CYP27C1: variants seen among roughly 807,000 people sequenced by gnomAD.
The protein encoded by CYP27C1 is cytochrome P450 family 27 subfamily C member 1.
Under a neutral mutation model 40.6 loss-of-function variants are expected in CYP27C1, and 29 were observed. That is an observed-to-expected ratio of 0.71 (90% CI 0.53 to 0.97). The LOEUF is 0.97. Ranked by LOEUF, CYP27C1 falls within the 50% of genes least tolerant of loss-of-function variation. The pLI is 0.00. For missense variants in CYP27C1, 390 were observed against 485.8 expected, an observed-to-expected ratio of 0.80 and a Z score of 1.85; for synonymous variants, 198 against 186.8, an observed-to-expected ratio of 1.06 and a Z score of -0.49.
At chr2:127,217,182 G>A (rs1281284024) in intron 1 of CYP27C1, among the ~76,000 whole-genome samples, 3 of 152,180 alleles carry the variant, frequency 2.0e-5, no homozygotes, top group Admixed American at 1.3e-4. Flanking sequence ...TTCTGGTGGT[G>A]GGCCATGGAA....
At chr2:127,210,366 A>G (rs1019669880) in intron 1 of CYP27C1, among the ~76,000 whole-genome samples, 1 of 152,240 alleles carries the variant, frequency 6.6e-6, no homozygotes, top group Non-Finnish European at 1.5e-5. Context: ...AAGAAGCACC[A>G]AATAAGTAAA....
At chr2:127,190,437 G>A (rs1682741917) in intron 8 of CYP27C1, among the ~76,000 whole-genome samples, 1 of 146,576 alleles carries the variant, frequency 6.8e-6, no homozygotes, top group Non-Finnish European at 1.5e-5. Context: ...CTGCCTCCTG[G>A]GTTCAAGCAA....
chr2:127,203,230 G>A (rs948604282), intron 3 of CYP27C1, 142 bp downstream of exon 3: 7 of 888,722 alleles, frequency 7.9e-6, no homozygotes, highest in South Asian at 5.3e-5. Flanking sequence ...CCAGGTTCAC[G>A]TTAGCACCGT....
intron 1 of CYP27C1, among the ~76,000 whole-genome samples, chr2:127,210,030 T>C (rs905354684): frequency 6.6e-6 from 1 of 152,172 alleles, no homozygotes; most frequent in Non-Finnish European, 1.5e-5. Context: ...ATTAAAATAC[T>C]CCACATTAAG....
intron 2 of CYP27C1, among the ~76,000 whole-genome samples, chr2:127,204,508 A>AGAAG (rs1553503288): frequency 5.3e-5 from 3 of 56,550 alleles, no homozygotes; most frequent in African/African-American, 1.7e-4. Context: ...AAGGAAGGAA[A>AGAAG]GAAAGAAGGA....
chr2:127,189,368 G>C (rs973379962), intron 8 of CYP27C1, among the ~76,000 whole-genome samples: 3 of 152,164 alleles, frequency 2.0e-5, no homozygotes, highest in Non-Finnish European at 4.4e-5. Context: ...CCATTTATTT[G>C]GTTAAGAAAG....
intron 1 of CYP27C1, among the ~76,000 whole-genome samples, chr2:127,213,719 G>T (rs1160235596): frequency 6.6e-6 from 1 of 152,136 alleles, no homozygotes; most frequent in African/African-American, 2.4e-5. Flanking sequence ...AACCCTAGAA[G>T]AAAACCTAGG....
chr2:127,204,626 A>AAAGAAAGAAAGAAAGAAAGAC (rs200607857), intron 2 of CYP27C1, among the ~76,000 whole-genome samples: 6 of 38,914 alleles, frequency 1.5e-4, no homozygotes, highest in African/African-American at 4.0e-4. Context: ...AGAAAGAAAG[A>AAAGAAAGAAAGAAAGAAAGAC]AGACTGCAGC....
Position 127,195,548 on chromosome 2 carries a change from G to A in CYP27C1, c.1048-47C>T, listed in dbSNP as rs759643699. The A allele has an allele frequency of 1.2e-6, 2 of 1,601,144 alleles. No individual in the cohort carries two copies. The highest frequency in any genetic ancestry group is 1.7e-6 in the Non-Finnish European group (2 of 1,171,690). On this transcript the variant is annotated intron_variant, in intron 5 of 8. Coordinates refer to ENST00000664447, the MANE Select transcript of CYP27C1 (RefSeq NM_001367502.1). This position sits in a 1 kb window ranked among gnomAD's most constrained non-coding sequence, Gnocchi z 6.2. ...CACAGGCAGGCAGTGAGTAACACCA[G>A]GGACTGAAACAGAGGCGGTGGCAGG... is the stretch of plus-strand genomic sequence containing the variant.
intron 1 of CYP27C1, among the ~76,000 whole-genome samples, chr2:127,215,886 A>C (rs976789687): frequency 3.3e-5 from 5 of 152,222 alleles, no homozygotes; most frequent in African/African-American, 1.2e-4. Context: ...AACCCAATTA[A>C]AAACTGGACA....
chr2:127,202,292 A>G (rs1223454825), intron 3 of CYP27C1, among the ~76,000 whole-genome samples: 3 of 152,038 alleles, frequency 2.0e-5, no homozygotes, highest in African/African-American at 7.2e-5. Flanking sequence ...GGCCCAGTTA[A>G]TTGTTGTATT....
chr2:127,204,369 AAGAG>A (rs1271314494), intron 2 of CYP27C1, among the ~76,000 whole-genome samples: 1 of 103,742 alleles, frequency 9.6e-6, no homozygotes, highest in African/African-American at 3.8e-5. Context: ...GGAGGAAGGA[AAGAG>A]AGAGAGAAAG....
At chr2:127,204,565 G>GA (rs1177120331) in intron 2 of CYP27C1, among the ~76,000 whole-genome samples, 3 of 64,904 alleles carry the variant, frequency 4.6e-5, no homozygotes, top group Admixed American at 2.0e-4. Flanking sequence ...GAGAAAGAAA[G>GA]AAAGAAAGAA....
rs1682879790 is a variant in CYP27C1 at position 127,195,420 on chromosome 2, T to G, written c.1129A>C (p.Lys377Gln). The G allele has an allele frequency of 8.1e-6, 13 of 1,614,038 alleles. No individual in the cohort carries two copies. In the East Asian group the frequency reaches 2.7e-4, roughly 33 times the overall value. ...VQQTVYREIVKNLGERHVPTA... is the reference protein window; with the variant it reads ...VQQTVYREIVQNLGERHVPTA... The stretch of plus-strand genomic sequence containing the variant: ...GGAACATGCCTTTCCCCTAAATTCT[T>G]CACAATCTCCCGGTACACCGTCTGC... Residue 377 changes from lysine (K) to glutamine (Q), a missense_variant, in exon 6 of 9, where the codon AAG (lysine) becomes CAG (glutamine). Lys to Gln is a moderately conservative substitution (Grantham distance 53). Transcript: ENST00000664447. This position sits in a 1 kb window ranked among gnomAD's most constrained non-coding sequence, Gnocchi z 6.2.
Position 127,204,555 on chromosome 2 carries a change from G to GAGAGAGAGAA in CYP27C1, c.474-985_474-984insTTCTCTCTCT, listed in dbSNP as rs1553503372. Among the ~76,000 whole-genome samples, 85 of 39,166 alleles carry GAGAGAGAGAA rather than the reference G, an allele frequency of 2.2e-3. 3 individuals are homozygous for GAGAGAGAGAA. Among genetic ancestry groups the GAGAGAGAGAA allele is most frequent in the Non-Finnish European group, 3.7e-3 (74 of 20,052 alleles). 25.7% of individuals were successfully genotyped at this position (39,166 alleles called of 152,430 possible). A position where few individuals can be genotyped will look rare whatever the true frequency, so the allele number is the denominator to read the frequency against. ...AAAGAAAGAGAGAGAGAGAGAGAGAGAGAAAGAAAGAAAGAAAGAAAGAAA... is the reference window on the plus strand; with the variant it reads ...AAAGAAAGAGAGAGAGAGAGAGAGAGAGAGAGAGAAAGAAAGAAAGAAAGAAAGAAAGAAA... On this transcript the variant is annotated intron_variant, in intron 2 of 8. Coordinates refer to ENST00000664447, the MANE Select transcript of CYP27C1 (RefSeq NM_001367502.1).
At chr2:127,216,364 A>T (rs1683430607) in intron 1 of CYP27C1, among the ~76,000 whole-genome samples, 1 of 152,244 alleles carries the variant, frequency 6.6e-6, no homozygotes, top group African/African-American at 2.4e-5. Flanking sequence ...TGTCCATAAA[A>T]AGAATGAGGT....
At chr2:127,210,719 G>C (rs1168492793) in intron 1 of CYP27C1, among the ~76,000 whole-genome samples, 2 of 150,314 alleles carry the variant, frequency 1.3e-5, no homozygotes, top group Non-Finnish European at 3.0e-5. Flanking sequence ...TGCAATCCTA[G>C]TCTCAGACAA....
At chr2:127,213,980 C>T (rs1683381344) in intron 1 of CYP27C1, among the ~76,000 whole-genome samples, 1 of 152,046 alleles carries the variant, frequency 6.6e-6, no homozygotes, top group African/African-American at 2.4e-5. Context: ...AAACAAATGG[C>T]CCCATCAAAA....
rs1228216655 is a variant in CYP27C1, at chr2:127,201,698, C to T, written c.674-367G>A. On this transcript the variant is annotated intron_variant, in intron 3 of 8. Transcript: ENST00000664447. The surrounding 1 kb of genome is among the most constrained non-coding windows in gnomAD (Gnocchi z 6.0). ...TGATGAGCCCTGGGGAGGGGACAAT[C>T]ACCGAGCGTGTCACTGCTCTCCCCC... Among the ~76,000 whole-genome samples, 1 of 152,202 alleles carries T rather than the reference C, an allele frequency of 6.6e-6. No homozygotes were observed. Among genetic ancestry groups the T allele is most frequent in the African/African-American group, 2.4e-5 (1 of 41,438 alleles).
Sources: allele counts gnomAD v4.1 joint callset (sites outside exome capture counted in the v4.1 genomes callset), GRCh38; gene constraint gnomAD v4.1.1; non-coding constraint Gnocchi (gnomAD v3.1); transcripts MANE v1.5; gene names NCBI Gene and HGNC (gene_info 2026-07-23, HGNC 2026-07-21).